Variants in SRPK2 observed in about 807,000 individuals in gnomAD.
The protein encoded by SRPK2 is SFRS protein kinase 2.
Under a neutral mutation model 90.8 loss-of-function variants are expected in SRPK2, and 21 were observed. The ratio of observed to expected loss-of-function variants is 0.23; its 90% CI spans 0.16 to 0.33. The LOEUF is 0.33. Among genes scored for constraint, SRPK2 ranks in the 10% least tolerant of loss-of-function variants. The pLI is 1.00. For synonymous variants in SRPK2, 288 were observed against 311.1 expected, an observed-to-expected ratio of 0.93 and a Z score of 0.78; for missense variants, 620 against 869.0, an observed-to-expected ratio of 0.71 and a Z score of 3.60.
intron 2 of SRPK2, among the ~76,000 whole-genome samples, chr7:105,209,113 A>G (rs1796554848): frequency 6.6e-6 from 1 of 152,268 alleles, no homozygotes; most frequent in African/African-American, 2.4e-5. Flanking sequence ...AGTCTCTTTT[A>G]CAATAAGCTC....
chr7:105,344,407 CTTTT>C (rs1178845367), intron 2 of SRPK2, among the ~76,000 whole-genome samples: 1,647 of 58,378 alleles, frequency 0.028, 40 homozygotes, highest in African/African-American at 0.096. Context: ...GCAGCCACAC[CTTTT>C]TTTTTTTTTT....
At chr7:105,246,342 GATCT>G (rs1035603274) in intron 2 of SRPK2, among the ~76,000 whole-genome samples, 4 of 152,152 alleles carry the variant, frequency 2.6e-5, no homozygotes, top group Non-Finnish European at 5.9e-5. Flanking sequence ...CAGGCCATAT[GATCT>G]ATCTTTCATT....
intron 2 of SRPK2, among the ~76,000 whole-genome samples, chr7:105,360,545 G>C (rs1214426371): frequency 6.6e-6 from 1 of 152,148 alleles, no homozygotes; most frequent in African/African-American, 2.4e-5. Context: ...TCCTTCAGGA[G>C]CTCTTGTAAG....
intron 2 of SRPK2, among the ~76,000 whole-genome samples, chr7:105,381,403 T>G (rs967807492): frequency 6.6e-6 from 1 of 151,950 alleles, no homozygotes; most frequent in South Asian, 2.1e-4. Context: ...GGCGAAACCC[T>G]GTCTCAGTGA....
intron 2 of SRPK2, 51 bp downstream of exon 2, chr7:105,388,597 C>A (rs1357453947): frequency 6.6e-7 from 1 of 1,514,398 alleles, no homozygotes; most frequent in Non-Finnish European, 8.9e-7. Flanking sequence ...GCCGCGGGCG[C>A]CCCCGACGGG....
rs566537016 is a variant in SRPK2, at chr7:105,353,639, T to TA, written c.71+35008dup. Reference sequence around the variant, plus strand: ...CTTTGGCCTCCCAAAGTGATGGGATTACAGACTGCCTTCAAGCAAATTCAT... The same window carrying TA: ...CTTTGGCCTCCCAAAGTGATGGGATTAACAGACTGCCTTCAAGCAAATTCAT... On this transcript the variant is annotated intron_variant, in intron 2 of 15. Transcript: ENST00000393651. 5.3e-5 allele frequency among the ~76,000 whole-genome samples: 8 copies of TA among 152,148 alleles called. No homozygotes were observed. In the East Asian group the frequency reaches 1.2e-3, roughly 22 times the overall value.
In SRPK2 at chr7:105,388,877, G is replaced by C. The variant is rs1030470269; in HGVS notation, c.-71C>G. On this transcript the variant is annotated 5_prime_UTR_variant, in exon 1 of 16. Coordinates refer to ENST00000393651, the MANE Select transcript of SRPK2 (RefSeq NM_182692.3). Reference sequence around the variant, plus strand: ...GGGCGCCGAGACGAGCTGGGCTGCAGCCTCCACTCGCTCCGCCGGCCGGGA... The same window carrying C: ...GGGCGCCGAGACGAGCTGGGCTGCACCCTCCACTCGCTCCGCCGGCCGGGA... 1.8e-4 allele frequency: 224 copies of C among 1,256,664 alleles called. No homozygotes were observed. Among genetic ancestry groups the C allele is most frequent in the Non-Finnish European group, 2.1e-4 (214 of 1,005,150 alleles). The allele number at this position is 1,256,664 out of a possible 1,614,324, so 77.8% of individuals were successfully genotyped here.
At chr7:105,348,705 G>A (rs1172911656) in intron 2 of SRPK2, among the ~76,000 whole-genome samples, 12 of 151,426 alleles carry the variant, frequency 7.9e-5, no homozygotes, top group Non-Finnish European at 7.4e-5. Context: ...TTACAGGCGT[G>A]AGCCACCATG....
At chr7:105,279,249 T>A (rs1390586668) in intron 2 of SRPK2, among the ~76,000 whole-genome samples, 1 of 151,928 alleles carries the variant, frequency 6.6e-6, no homozygotes, top group Non-Finnish European at 1.5e-5. Flanking sequence ...CAGAAGAGAA[T>A]GAAGAAGGAA....
chr7:105,326,267 T>C (rs143586074), intron 2 of SRPK2, among the ~76,000 whole-genome samples: 76 of 152,322 alleles, frequency 5.0e-4, no homozygotes, highest in Non-Finnish European at 7.9e-4. Flanking sequence ...TCTAGTCTCC[T>C]AGCTTTCACT....
chr7:105,150,287 G>A (rs1279302385), intron 7 of SRPK2, among the ~76,000 whole-genome samples: 1 of 152,226 alleles, frequency 6.6e-6, no homozygotes, highest in African/African-American at 2.4e-5. Context: ...GGGAAGCCGA[G>A]GCAGGCAGAT....
At chr7:105,226,245 T>G (rs1165259062) in intron 2 of SRPK2, among the ~76,000 whole-genome samples, 2 of 151,832 alleles carry the variant, frequency 1.3e-5, no homozygotes, top group Non-Finnish European at 2.9e-5. Flanking sequence ...ATATTTTGCT[T>G]GATTTTTTTT....
chr7:105,194,604 C>T (rs1392834738), intron 3 of SRPK2, among the ~76,000 whole-genome samples: 1 of 152,070 alleles, frequency 6.6e-6, no homozygotes, highest in East Asian at 1.9e-4. Flanking sequence ...ACAATAAAGA[C>T]CTAAATAAAC....
intron 2 of SRPK2, among the ~76,000 whole-genome samples, chr7:105,305,822 C>G (rs1041398671): frequency 6.6e-5 from 10 of 152,212 alleles, no homozygotes; most frequent in Admixed American, 2.0e-4. Context: ...TGGGTTTACA[C>G]ACCATCTTAA....
chr7:105,242,836 C>T (rs759504719), intron 2 of SRPK2, among the ~76,000 whole-genome samples: 11 of 152,170 alleles, frequency 7.2e-5, no homozygotes, highest in South Asian at 2.1e-4. Flanking sequence ...AAAGTGACCT[C>T]TGGCTTGACT....
chr7:105,394,671 A>G (rs1822274798), intron 1 of SRPK2, among the ~76,000 whole-genome samples: 1 of 152,194 alleles, frequency 6.6e-6, no homozygotes, highest in African/African-American at 2.4e-5. Flanking sequence ...GGATTTTTGC[A>G]TTCAATTTTC....
rs1028263947 is a variant in SRPK2, at chr7:105,312,382, G to A, written c.71+76266C>T. Among the ~76,000 whole-genome samples, 4 of 141,078 alleles carry A rather than the reference G, an allele frequency of 2.8e-5. No individual in the cohort carries two copies. The Admixed American group carries it at 3.0e-4, about 11-fold the overall frequency. 92.6% of individuals were successfully genotyped at this position (141,078 alleles called of 152,430 possible). ...TTGAACCCAGGAGGCGGAGCTTGCG[G>A]TGAGCCGAGATCATGCCACTGCACT... On this transcript the variant is annotated intron_variant, in intron 2 of 15. Coordinates refer to ENST00000393651, the MANE Select transcript of SRPK2 (RefSeq NM_182692.3).
At chr7:105,295,036 C>A (rs569385995) in intron 2 of SRPK2, among the ~76,000 whole-genome samples, 1 of 152,020 alleles carries the variant, frequency 6.6e-6, no homozygotes, top group East Asian at 1.9e-4. Flanking sequence ...CATGGCGAAA[C>A]CCTGTCTCTA....
intron 2 of SRPK2, among the ~76,000 whole-genome samples, chr7:105,251,637 C>T (rs961523958): frequency 1.3e-5 from 2 of 152,226 alleles, no homozygotes; most frequent in Non-Finnish European, 2.9e-5. Context: ...TGTAAACCTT[C>T]CACAGCTCTG....
Sources: allele counts gnomAD v4.1 joint callset (sites outside exome capture counted in the v4.1 genomes callset), GRCh38; gene constraint gnomAD v4.1.1; transcripts MANE v1.5; gene names NCBI Gene and HGNC (gene_info 2026-07-23, HGNC 2026-07-21).